The following NXF3 variants were observed in gnomAD, a reference collection of about 807,000 sequenced individuals.
NXF3 encodes the protein TAP-like protein 3.
A neutral mutation model predicts 48.4 loss-of-function variants in NXF3; 34 were observed. The ratio of observed to expected loss-of-function variants is 0.70; its 90% CI spans 0.53 to 0.93. The LOEUF (loss-of-function observed/expected upper bound fraction) is 0.93, where lower values mean the gene tolerates loss of function less well. NXF3 is among the 40% of genes least tolerant of loss of function. NXF3 has a pLI of 0.00. For missense variants in NXF3, 359 were observed against 406.1 expected (o/e 0.88, Z 1.00); for synonymous variants, 132 against 145.7 (o/e 0.91, Z 0.68).
chrX:103,077,863 C>T, intron 17 of NXF3, 117 bp from the exon 18 acceptor site: 1 of 868,265 alleles, frequency 1.2e-6, no homozygotes, highest in Non-Finnish European at 1.6e-6. Context: ...ACTGTGCCTC[C>T]CTCCTAGCTT....
chrX:103,084,654 T>C, intron 2 of NXF3, 61 bp downstream of exon 2: 35 of 1,158,323 alleles, frequency 3.0e-5, no homozygotes, highest in Non-Finnish European at 4.1e-5. Context: ...CATATTCAGC[T>C]ACAGAGTTAT....
At chrX:103,088,051 T>A in intron 1 of NXF3, 1 of 896,437 alleles carries the variant, frequency 1.1e-6, no homozygotes, top group Non-Finnish European at 1.6e-6. Flanking sequence ...TTATGTCCAC[T>A]CAATTTATAT....
chrX:103,076,601 A>C (rs1003969500), intron 18 of NXF3, among the ~76,000 whole-genome samples: 6 of 111,587 alleles, frequency 5.4e-5, no homozygotes, highest in African/African-American at 2.0e-4. Context: ...GATGGCTATA[A>C]GATGAAAAGC....
At chrX:103,087,482 T>C (rs1922182662) in intron 1 of NXF3, 2 of 1,031,881 alleles carry the variant, frequency 1.9e-6, no homozygotes, top group Non-Finnish European at 2.7e-6. Flanking sequence ...CTGAAGACAT[T>C]TGTGAAGCAC....
chrX:103,079,536 C>T (rs1921956902), intron 14 of NXF3, 48 bp downstream of exon 14: 1 of 1,186,204 alleles, frequency 8.4e-7, no homozygotes. Context: ...TGTGATTGTT[C>T]CTGTCACACC....
Position 103,079,773 on chromosome X carries a change from C to A in NXF3, c.1150G>T (p.Asp384Tyr), listed in dbSNP as rs1387576058. The A allele has an allele frequency of 5.8e-6, 7 of 1,210,451 alleles. No individual in the cohort carries two copies. The highest frequency in any genetic ancestry group is 7.8e-6 in the Non-Finnish European group (7 of 894,636). Residue 384 changes from aspartate to tyrosine, a missense_variant, in exon 13 of 20, where the codon GAC becomes TAC. Physicochemically the swap from Asp to Tyr is radical, Grantham distance 160. Coordinates refer to ENST00000395065, the MANE Select transcript of NXF3 (RefSeq NM_022052.2). Reference sequence around the variant, plus strand: ...AGCTGTGATACTCACGGGGCTGAGTCCTCAGGATTGAAGGGAATGCTCAGG... The same window carrying A: ...AGCTGTGATACTCACGGGGCTGAGTACTCAGGATTGAAGGGAATGCTCAGG... ...FSLSIPFNPEDSAPSSFCKFF... is the reference protein window; with the variant it reads ...FSLSIPFNPEYSAPSSFCKFF...
At chrX:103,078,409 G>A (rs1241909834) in intron 17 of NXF3, 151 bp downstream of exon 17, 1 of 802,456 alleles carries the variant, frequency 1.2e-6, no homozygotes, top group Non-Finnish European at 1.9e-6. Context: ...TTACAGGCGT[G>A]AGCCACTGCT....
intron 14 of NXF3, 47 bp downstream of exon 14, chrX:103,079,537 C>T (rs1348360015): frequency 1.7e-6 from 2 of 1,192,155 alleles, no homozygotes; most frequent in Non-Finnish European, 2.3e-6. Context: ...GTGATTGTTC[C>T]TGTCACACCC....
intron 1 of NXF3, chrX:103,088,870 A>G: frequency 1.7e-6 from 2 of 1,183,112 alleles, no homozygotes; most frequent in Non-Finnish European, 2.3e-6. Flanking sequence ...GTTAACTATA[A>G]TGATTCCCAA....
Position 103,079,352 on chromosome X carries a change from T to C in NXF3, c.1335+7A>G, listed in dbSNP as rs761929460. 98 of 1,208,134 alleles carry C rather than the reference T, an allele frequency of 8.1e-5. No individual in the cohort carries two copies. Among genetic ancestry groups the C allele is most frequent in the Non-Finnish European group, 1.1e-4 (96 of 893,461 alleles). ...GGGCCTGCCCAAGGGAGGAAGCAGGTACTCACCGTCTGGTACCACATGTCC... is the reference window on the plus strand; with the variant it reads ...GGGCCTGCCCAAGGGAGGAAGCAGGCACTCACCGTCTGGTACCACATGTCC... On this transcript the variant is annotated splice_region_variant and intron_variant, in intron 15 of 19. Transcript: ENST00000395065.
intron 1 of NXF3, among the ~76,000 whole-genome samples, chrX:103,086,195 C>T (rs1480866408): frequency 9.6e-6 from 1 of 104,314 alleles, no homozygotes; most frequent in Non-Finnish European, 2.0e-5. Flanking sequence ...CCGAGATGGG[C>T]GGATCATGAG....
At chrX:103,091,984 C>CAAAAAAAAA (rs59377364) in intron 1 of NXF3, among the ~76,000 whole-genome samples, 1 of 47,807 alleles carries the variant, frequency 2.1e-5, no homozygotes. Context: ...GACTCCATCA[C>CAAAAAAAAA]AAAAAAAAAA....
intron 1 of NXF3, among the ~76,000 whole-genome samples, chrX:103,090,811 A>C (rs1569282095): frequency 8.9e-6 from 1 of 111,872 alleles, no homozygotes; most frequent in Non-Finnish European, 1.9e-5. Flanking sequence ...CCAATGATGT[A>C]GAAGTGTGCC....
intron 17 of NXF3, 87 bp from the exon 18 acceptor site, chrX:103,077,833 C>T: frequency 9.4e-7 from 1 of 1,069,136 alleles, no homozygotes; most frequent in Non-Finnish European, 1.3e-6. Flanking sequence ...GTTCAGCAAC[C>T]TGATTTCTTC....
intron 1 of NXF3, chrX:103,088,607 C>A: frequency 1.0e-6 from 1 of 978,959 alleles, no homozygotes; most frequent in Non-Finnish European, 1.4e-6. Context: ...GGAAAACATA[C>A]GTACTAGACA....
intron 1 of NXF3, chrX:103,087,944 G>C (rs1311970298): frequency 1.3e-5 from 12 of 934,541 alleles, no homozygotes; most frequent in Admixed American, 2.5e-5. Flanking sequence ...TTAAAGAAGA[G>C]GCATACAGAA....
intron 16 of NXF3, among the ~76,000 whole-genome samples, 185 bp from the exon 17 acceptor site, chrX:103,078,817 A>T (rs147929134): frequency 3.2e-4 from 36 of 112,112 alleles, no homozygotes; most frequent in Non-Finnish European, 6.6e-4. Flanking sequence ...ATCCGCTCCC[A>T]GTGATAGGGC....
intron 10 of NXF3, 91 bp downstream of exon 10, chrX:103,080,485 T>C (rs1031164956): frequency 1.1e-5 from 10 of 938,733 alleles, no homozygotes; most frequent in South Asian, 2.0e-5. Flanking sequence ...GCTCCAAAAA[T>C]GTAACTGGGA....
At chrX:103,083,377 G>C (rs1569280541) in intron 5 of NXF3, 21 bp downstream of exon 5, 1 of 1,184,004 alleles carries the variant, frequency 8.4e-7, no homozygotes, top group Non-Finnish European at 1.1e-6. Context: ...TGCTAGCCCT[G>C]GTCATTCATT....
Sources: gnomAD v4.1 joint callset for allele counts (sites outside exome capture counted in the v4.1 genomes callset) on GRCh38, gnomAD v4.1.1 for gene constraint, MANE v1.5 for transcripts, NCBI Gene and HGNC (gene_info 2026-07-23, HGNC 2026-07-21) for gene names.